The following SYTL3 variants were observed in gnomAD, a reference collection of about 807,000 sequenced individuals.
SYTL3 encodes synaptotagmin-like protein 3.
Under a neutral mutation model 82.1 loss-of-function variants are expected in SYTL3, and 88 were observed. That is an observed-to-expected ratio of 1.07 (90% confidence interval 0.90 to 1.28). The LOEUF (loss-of-function observed/expected upper bound fraction) is 1.28, where lower values mean the gene tolerates loss of function less well. Among genes scored for constraint, SYTL3 ranks in the 50% most tolerant of loss-of-function variants. The pLI, the probability that SYTL3 is intolerant of heterozygous loss-of-function variation, is 0.00. For synonymous variants in SYTL3, 311 were observed against 289.4 expected (o/e 1.07, Z -0.76); for missense variants, 831 against 757.6 (o/e 1.10, Z -1.14).
intron 5 of SYTL3, among the ~76,000 whole-genome samples, chr6:158,670,061 T>C (rs1362680627): frequency 6.6e-6 from 1 of 152,248 alleles, no homozygotes; most frequent in Non-Finnish European, 1.5e-5. Flanking sequence ...CATGAAAGAA[T>C]TTTTATTGAA....
At chr6:158,757,437 CTT>C in intron 14 of SYTL3, 56 bp downstream of exon 14, 1 of 1,569,126 alleles carries the variant, frequency 6.4e-7, no homozygotes, top group African/African-American at 1.4e-5. Context: ...AGATAAATAA[CTT>C]TTCAGAGAGA....
At chr6:158,751,804 C>CA in intron 12 of SYTL3, 124 bp from the exon 13 acceptor site, 1 of 703,400 alleles carries the variant, frequency 1.4e-6, no homozygotes, top group Non-Finnish European at 2.3e-6. Flanking sequence ...TCTATCAACC[C>CA]AAAAATTCCA....
Position 158,748,183 on chromosome 6 carries a change from A to G in SYTL3, c.1034+2525A>G, listed in dbSNP as rs531561360. ...CAGTTTTGCCTTTCTTTTTTCTTACATGGGGAACTTCTGGCATACTGTTTT... is the reference window on the plus strand; with the variant it reads ...CAGTTTTGCCTTTCTTTTTTCTTACGTGGGGAACTTCTGGCATACTGTTTT... On this transcript the variant is annotated intron_variant, in intron 12 of 17. Transcript: ENST00000611299. Among the ~76,000 whole-genome samples the G allele has an allele frequency of 1.1e-3, 162 of 151,048 alleles. 1 individual carries two copies. The highest frequency in any genetic ancestry group is 3.7e-3 in the African/African-American group (151 of 41,046).
intron 14 of SYTL3, 84 bp downstream of exon 14, chr6:158,757,465 C>T (rs1450194170): frequency 3.8e-5 from 55 of 1,447,898 alleles, no homozygotes; most frequent in Non-Finnish European, 4.9e-5. Context: ...GAAGAGAAAA[C>T]GTACCTGGCA....
At chr6:158,734,376 CAT>C (rs1178985609) in intron 11 of SYTL3, among the ~76,000 whole-genome samples, 2 of 152,178 alleles carry the variant, frequency 1.3e-5, no homozygotes, top group African/African-American at 4.8e-5. Flanking sequence ...GAAACCAACA[CAT>C]AGCCAAGTAC....
Position 158,665,609 on chromosome 6 carries a change from G to A in SYTL3, c.325G>A (p.Asp109Asn). Reference sequence around the variant, plus strand: ...CTGGAAGTGCACGGTGTGCTTCGAGGACAGGTAAGCATGGCCGGTGGTTGG... The same window carrying A: ...CTGGAAGTGCACGGTGTGCTTCGAGAACAGGTAAGCATGGCCGGTGGTTGG... ...HAWKCTVCFE[D>N]RNVKIKTGEW... The change falls in exon 5 of 18, where the codon GAC (aspartate) becomes AAC (asparagine). Residue 109 changes from aspartate (D) to asparagine (N), a missense_variant. Asp to Asn is a conservative substitution (Grantham distance 23). Coordinates refer to ENST00000611299, the MANE Select transcript of SYTL3 (RefSeq NM_001242394.2). 1.3e-6 allele frequency: 2 copies of A among 1,556,796 alleles called. No homozygotes were observed. Among genetic ancestry groups the A allele is most frequent in the Admixed American group, 2.0e-5 (1 of 51,118 alleles).
intron 12 of SYTL3, among the ~76,000 whole-genome samples, chr6:158,745,920 G>C (rs919294696): frequency 2.0e-5 from 3 of 152,152 alleles, no homozygotes; most frequent in African/African-American, 7.2e-5. Flanking sequence ...GAGTGTCTTA[G>C]TCCATTTCGG....
In SYTL3 at chr6:158,725,643, T is replaced by C. The variant is rs1784626789; in HGVS notation, c.855+6T>C. 1 of 1,609,858 alleles carries C rather than the reference T, an allele frequency of 6.2e-7. No homozygotes were observed. The highest frequency in any genetic ancestry group is 1.3e-5 in the African/African-American group (1 of 74,538). ...TCTCTGGAGGTTTTAGACACGTGAGTCTCATTCCAATGCTCTTTTTTTGTT... is the reference window on the plus strand; with the variant it reads ...TCTCTGGAGGTTTTAGACACGTGAGCCTCATTCCAATGCTCTTTTTTTGTT... On this transcript the variant is annotated splice_donor_region_variant and intron_variant, in intron 11 of 17. Coordinates refer to ENST00000611299, the MANE Select transcript of SYTL3 (RefSeq NM_001242394.2).
intron 14 of SYTL3, among the ~76,000 whole-genome samples, chr6:158,759,535 T>G (rs765523942): frequency 1.2e-4 from 18 of 152,192 alleles, no homozygotes; most frequent in African/African-American, 2.2e-4. Flanking sequence ...GTTTTTTGGT[T>G]GTTGTTGTTT....
intron 6 of SYTL3, among the ~76,000 whole-genome samples, chr6:158,684,827 A>C (rs1001523457): frequency 6.8e-5 from 10 of 147,722 alleles, no homozygotes; most frequent in Admixed American, 1.3e-4. Context: ...AAAAAAAAAA[A>C]CGCTGCTTCT....
chr6:158,718,227 C>T lies in SYTL3; in HGVS notation c.720+16C>T, dbSNP rs1159343885. 4.6e-6 allele frequency: 7 copies of T among 1,514,938 alleles called. No homozygotes were observed. The highest frequency in any genetic ancestry group is 1.4e-5 in the African/African-American group (1 of 71,592). 93.8% of individuals were successfully genotyped at this position (1,514,938 alleles called of 1,614,324 possible). ...CACCACCAGGGTACCCTGAGCCCCA[C>T]AAGGCCTCCACGCTGATCACCTTCA... On this transcript the variant is annotated intron_variant, in intron 10 of 17. Transcript: ENST00000611299.
chr6:158,723,438 C>T (rs192987699), intron 10 of SYTL3, among the ~76,000 whole-genome samples: 2 of 152,240 alleles, frequency 1.3e-5, no homozygotes, highest in Non-Finnish European at 2.9e-5. Context: ...GACGTTGACT[C>T]CATTTACCTG....
At chr6:158,712,221 C>A (rs1782834082) in intron 8 of SYTL3, among the ~76,000 whole-genome samples, 1 of 152,150 alleles carries the variant, frequency 6.6e-6, no homozygotes, top group Non-Finnish European at 1.5e-5. Flanking sequence ...GAGACCAATT[C>A]ATTTGCTGTA....
chr6:158,763,399 GT>G lies in SYTL3; in HGVS notation c.1614del (p.Ser538ArgfsTer3). 2.5e-6 allele frequency: 4 copies of G among 1,614,242 alleles called. No homozygotes were observed. The highest frequency in any genetic ancestry group is 2.5e-6 in the Non-Finnish European group (3 of 1,180,032). On this transcript the variant is annotated frameshift_variant, in exon 17 of 18. Coordinates refer to ENST00000611299, the MANE Select transcript of SYTL3 (RefSeq NM_001242394.2). LOFTEE classifies it high-confidence loss of function. ...CAGTGGAAACACTCATTTGTCTTCA[GT>G]GGCGTAACCCCAGCTCAGCTGAGGC... ...CPQWKHSFVFSGVTPAQLRQS... is the reference protein window; with the variant it reads ...CPQWKHSFVFXGVTPAQLRQS...
chr6:158,692,295 A>AAAAG (rs1779984120), intron 6 of SYTL3, among the ~76,000 whole-genome samples: 5 of 144,934 alleles, frequency 3.4e-5, no homozygotes, highest in Non-Finnish European at 6.0e-5. Flanking sequence ...AAAAAAAAAA[A>AAAAG]GGGTTAAATG....
intron 5 of SYTL3, among the ~76,000 whole-genome samples, chr6:158,682,474 C>T (rs1045168285): frequency 6.7e-6 from 1 of 150,272 alleles, no homozygotes; most frequent in South Asian, 2.1e-4. Flanking sequence ...ATTCTCCTGC[C>T]TCAGCCTCCC....
At chr6:158,667,722 CAAG>C (rs1403133631) in intron 5 of SYTL3, among the ~76,000 whole-genome samples, 2 of 152,170 alleles carry the variant, frequency 1.3e-5, no homozygotes, top group African/African-American at 4.8e-5. Context: ...TTTTTAAAAT[CAAG>C]AAAGGGGAAG....
Position 158,763,446 on chromosome 6 carries a change from G to C in SYTL3, c.1660G>C (p.Val554Leu), listed in dbSNP as rs774693205. Reference protein sequence around the residue: ...QLRQSSLELTVWDQALFGMND... With the variant: ...QLRQSSLELTLWDQALFGMND... ...GAGGCAGTCAAGCTTGGAGTTAACTGTCTGGGATCAGGCCCTCTTTGGAAT... is the reference window on the plus strand; with the variant it reads ...GAGGCAGTCAAGCTTGGAGTTAACTCTCTGGGATCAGGCCCTCTTTGGAAT... Residue 554 changes from valine (V) to leucine (L), a missense_variant, in exon 17 of 18, where the codon GTC becomes CTC. By Grantham distance (32) the Val-to-Leu change is conservative (BLOSUM62 1). Transcript: ENST00000611299. 6.2e-7 allele frequency: 1 copy of C among 1,614,164 alleles called. No homozygotes were observed. The highest frequency in any genetic ancestry group is 8.5e-7 in the Non-Finnish European group (1 of 1,180,016).
chr6:158,704,514 G>C (rs1442500250), intron 6 of SYTL3, among the ~76,000 whole-genome samples: 1 of 152,406 alleles, frequency 6.6e-6, no homozygotes, highest in South Asian at 2.1e-4. Flanking sequence ...GCCCGTGGGG[G>C]ATAGCAGGAG....
Sources: gnomAD v4.1 joint callset for allele counts (sites outside exome capture counted in the v4.1 genomes callset) on GRCh38, gnomAD v4.1.1 for gene constraint, MANE v1.5 for transcripts, NCBI Gene and HGNC (gene_info 2026-07-23, HGNC 2026-07-21) for gene names.